The following CNOT6 variants were observed in gnomAD, a reference collection of about 807,000 sequenced individuals.
The protein encoded by CNOT6 is carbon catabolite repression 4 protein.
In CNOT6, 12 loss-of-function variants were observed where a neutral mutation model predicts 61.2. The ratio of observed to expected loss-of-function variants is 0.20; its 90% CI spans 0.13 to 0.32. CNOT6 has a LOEUF of 0.32. CNOT6 is among the 10% of genes least tolerant of loss of function. CNOT6 has a pLI of 1.00. For missense variants in CNOT6, 405 were observed against 663.9 expected (o/e 0.61, Z 4.28); for synonymous variants, 225 against 240.6 (o/e 0.94, Z 0.60).
intron 2 of CNOT6, 31 bp downstream of exon 2, chr5:180,529,419 G>A (rs1191607292): frequency 1.5e-6 from 2 of 1,342,944 alleles, no homozygotes; most frequent in Non-Finnish European, 1.1e-6. Flanking sequence ...TTTATGGTAT[G>A]GAAATTAAGA....
At chr5:180,550,721 C>T (rs1025580968) in intron 3 of CNOT6, among the ~76,000 whole-genome samples, 6 of 152,118 alleles carry the variant, frequency 3.9e-5, no homozygotes, top group African/African-American at 1.4e-4. Context: ...CACATACTTC[C>T]TCATGACAAA....
At chr5:180,506,765 T>C (rs564060186) in intron 1 of CNOT6, among the ~76,000 whole-genome samples, 1 of 152,326 alleles carries the variant, frequency 6.6e-6, no homozygotes, top group East Asian at 1.9e-4. Context: ...CCTAGTAAGA[T>C]AGGCACTGCT....
intron 2 of CNOT6, among the ~76,000 whole-genome samples, chr5:180,540,861 G>A (rs1260678284): frequency 6.6e-6 from 1 of 152,062 alleles, no homozygotes; most frequent in East Asian, 1.9e-4. Context: ...CAAGTAATAG[G>A]AAAATTGGTT....
At chr5:180,573,115 G>A (rs1004572159) in intron 11 of CNOT6, among the ~76,000 whole-genome samples, 1 of 152,188 alleles carries the variant, frequency 6.6e-6, no homozygotes, top group African/African-American at 2.4e-5. Context: ...CACAGAGTGG[G>A]AATGCTTAGC....
intron 4 of CNOT6, among the ~76,000 whole-genome samples, chr5:180,563,216 A>ATT (rs11379078): frequency 0.013 from 1,789 of 140,210 alleles, 19 homozygotes; most frequent in South Asian, 0.037. Context: ...TTCCTGTTAA[A>ATT]TTTTTTTTTT....
rs1169749623 is a variant in CNOT6 at position 180,537,104 on chromosome 5, A to G, written c.112+7716A>G. Among the ~76,000 whole-genome samples, 4 of 152,250 alleles carry G rather than the reference A, an allele frequency of 2.6e-5. No homozygotes were observed. The East Asian group carries it at 7.7e-4, about 29-fold the overall frequency. On this transcript the variant is annotated intron_variant, in intron 2 of 11. Coordinates refer to ENST00000261951, the MANE Select transcript of CNOT6 (RefSeq NM_001370472.1). ...TTTGGCAATTTTTGGTAAAGCTACT[A>G]TAAACATCTGTGTGCAGTTCTTTGT...
At chr5:180,568,715 G>A (rs1156251527) in intron 9 of CNOT6, among the ~76,000 whole-genome samples, 2 of 152,094 alleles carry the variant, frequency 1.3e-5, no homozygotes, top group Non-Finnish European at 2.9e-5. Flanking sequence ...TGGAACTGGA[G>A]AAATTTAATG....
chr5:180,514,166 G>A (rs114974255), intron 1 of CNOT6, among the ~76,000 whole-genome samples: 580 of 150,186 alleles, frequency 3.9e-3, no homozygotes, highest in Non-Finnish European at 4.1e-3. Context: ...CAGCTTCACC[G>A]TAATCCCAGC....
chr5:180,571,323 G>A lies in CNOT6; in HGVS notation c.1352G>A (p.Cys451Tyr). 6.2e-7 allele frequency: 1 copy of A among 1,614,048 alleles called. No individual in the cohort carries two copies. Among genetic ancestry groups the A allele is most frequent in the East Asian group, 2.2e-5 (1 of 44,884 alleles). The stretch of plus-strand genomic sequence containing the variant: ...AATGAAAGTCTCACAAACTTCAGCT[G>A]TCATGGGAAGAATGGAACCACCAAT... ...RYNESLTNFS[C>Y]HGKNGTTNGR... is the part of the protein sequence containing the mutation. The change falls in exon 11 of 12, where the codon TGT (cysteine) becomes TAT (tyrosine). Residue 451 changes from cysteine to tyrosine, a missense_variant. By Grantham distance (194) the Cys-to-Tyr change is radical. Transcript: ENST00000261951.
chr5:180,529,197 CAA>C (rs71591495), intron 1 of CNOT6, 76 bp from the exon 2 acceptor site: 9,492 of 565,502 alleles, frequency 0.017, no homozygotes, highest in East Asian at 0.028. Flanking sequence ...GACTTCGTCT[CAA>C]AAAAAAAAAA....
intron 1 of CNOT6, among the ~76,000 whole-genome samples, chr5:180,520,860 T>C (rs1469747791): frequency 6.6e-6 from 1 of 151,672 alleles, no homozygotes; most frequent in African/African-American, 2.4e-5. Context: ...TTTTTTTTTT[T>C]TGGAGATGGA....
intron 1 of CNOT6, among the ~76,000 whole-genome samples, chr5:180,496,283 C>T (rs980401842): frequency 2.6e-5 from 4 of 152,162 alleles, no homozygotes; most frequent in African/African-American, 4.8e-5. Flanking sequence ...CTGTGATCTA[C>T]TCCAGGTGTT....
At chr5:180,510,661 CTTT>C (rs1319510990) in intron 1 of CNOT6, among the ~76,000 whole-genome samples, 2 of 151,926 alleles carry the variant, frequency 1.3e-5, no homozygotes, top group African/African-American at 2.4e-5. Context: ...AAATTATTGT[CTTT>C]ATATGACATT....
At position 180,528,333 on chromosome 5, in the gene CNOT6, C is replaced by T. The variant is rs551183673; in HGVS notation, c.-2-942C>T. 3.9e-4 allele frequency among the ~76,000 whole-genome samples: 60 copies of T among 152,214 alleles called. 1 individual carries two copies. Among genetic ancestry groups the T allele is most frequent in the African/African-American group, 1.2e-3 (51 of 41,552 alleles). On this transcript the variant is annotated intron_variant, in intron 1 of 11. Transcript: ENST00000261951. ...TTATTTATTTATTTATTTTTTGAGA[C>T]GGAGTCTCGCTCTGTTGCCCAGGCT... is the stretch of plus-strand genomic sequence containing the variant.
intron 7 of CNOT6, 74 bp from the exon 8 acceptor site, chr5:180,567,014 A>T (rs1447223789): frequency 5.2e-6 from 7 of 1,353,742 alleles, no homozygotes; most frequent in Non-Finnish European, 7.0e-6. Context: ...TCAAGCTCTC[A>T]AACTATACAT....
intron 4 of CNOT6, 25 bp from the exon 5 acceptor site, chr5:180,564,464 T>G (rs775498499): frequency 6.7e-7 from 1 of 1,491,372 alleles, no homozygotes; most frequent in Admixed American, 1.8e-5. Flanking sequence ...TAGTTTCATT[T>G]TACTTATTTC....
At chr5:180,558,073 C>A (rs1177051154) in intron 4 of CNOT6, among the ~76,000 whole-genome samples, 1 of 152,146 alleles carries the variant, frequency 6.6e-6, no homozygotes, top group Admixed American at 6.5e-5. Flanking sequence ...ATGTGTCCAT[C>A]CTTCCGCCAA....
Position 180,572,672 on chromosome 5 carries a change from C to CT in CNOT6, c.1461+1240_1461+1241insT, listed in dbSNP as rs1760809082. ...TCAGGCAACCCTCCTGCCTCAGCCT[C>CT]CCCGCTAACTTGGACTACAGGTGTC... On this transcript the variant is annotated intron_variant, in intron 11 of 11. Coordinates refer to ENST00000261951, the MANE Select transcript of CNOT6 (RefSeq NM_001370472.1). Among the ~76,000 whole-genome samples, 4 of 152,152 alleles carry CT rather than the reference C, an allele frequency of 2.6e-5. No individual in the cohort carries two copies. In the South Asian group the frequency reaches 8.3e-4, roughly 32 times the overall value.
intron 4 of CNOT6, among the ~76,000 whole-genome samples, chr5:180,560,211 C>T (rs930443479): frequency 1.3e-5 from 2 of 152,118 alleles, no homozygotes; most frequent in African/African-American, 4.8e-5. Flanking sequence ...TCCCAAAGTG[C>T]TGGGATTACA....
Sources: allele counts gnomAD v4.1 joint callset (sites outside exome capture counted in the v4.1 genomes callset), GRCh38; gene constraint gnomAD v4.1.1; transcripts MANE v1.5; gene names NCBI Gene and HGNC (gene_info 2026-07-23, HGNC 2026-07-21).